Variants in SUGCT observed in about 807,000 individuals in gnomAD.
SUGCT encodes succinyl-CoA:glutarate-CoA transferase.
A neutral mutation model predicts 55.0 loss-of-function variants in SUGCT; 41 were observed. The observed-to-expected ratio is 0.74, with a 90% CI of 0.58 to 0.97. The LOEUF is 0.97. SUGCT is among the 50% of genes least tolerant of loss of function. The probability of loss-of-function intolerance (pLI) is 0.00; values close to 1 mark genes in which losing one functional copy is unlikely to be tolerated. For synonymous variants in SUGCT, 187 were observed against 200.4 expected (o/e 0.93, Z 0.56); for missense variants, 568 against 547.8 (o/e 1.04, Z -0.37).
chr7:40,137,762 C>CTCATTGTGGTTTTTAATTTGTATTT (rs1787773195), intron 1 of SUGCT, among the ~76,000 whole-genome samples: 1 of 152,088 alleles, frequency 6.6e-6, no homozygotes, highest in African/African-American at 2.4e-5. Flanking sequence ...TTCACTGCAA[C>CTCATTGTGGTTTTTAATTTGTATTT]CTCTGCCTCT....
chr7:40,570,832 G>C (rs1394663708), intron 12 of SUGCT, among the ~76,000 whole-genome samples: 1 of 145,524 alleles, frequency 6.9e-6, no homozygotes, highest in East Asian at 2.0e-4. Flanking sequence ...ACTCCCCTCT[G>C]GGCAAAAGCT....
chr7:40,453,231 A>G (rs1433367231), intron 10 of SUGCT, among the ~76,000 whole-genome samples: 2 of 152,178 alleles, frequency 1.3e-5, no homozygotes, highest in African/African-American at 2.4e-5. Context: ...GAGAAAGAAG[A>G]ACTTTCTTCA....
chr7:40,339,687 C>T (rs113275358), intron 9 of SUGCT, among the ~76,000 whole-genome samples: 571 of 152,306 alleles, frequency 3.7e-3, no homozygotes, highest in African/African-American at 0.013. Flanking sequence ...TGACCCCTTG[C>T]GCTTCCTGGG....
chr7:41,016,857 T>C, the SUGCT span, among the ~76,000 whole-genome samples: 1 of 152,186 alleles, frequency 6.6e-6, no homozygotes, highest in African/African-American at 2.4e-5. Context: ...CTACAGCTGT[T>C]CCTTAATTTT....
chr7:40,478,641 A>G (rs1032880464), intron 11 of SUGCT, among the ~76,000 whole-genome samples: 7 of 152,176 alleles, frequency 4.6e-5, no homozygotes, highest in African/African-American at 1.7e-4. Context: ...TAATATACAC[A>G]TTTTTCACTG....
At chr7:40,313,683 G>A (rs972476703) in intron 8 of SUGCT, among the ~76,000 whole-genome samples, 12 of 151,214 alleles carry the variant, frequency 7.9e-5, no homozygotes, top group African/African-American at 2.4e-4. Context: ...AGGCTGGAGC[G>A]CTGTGGCGTG....
intron 11 of SUGCT, among the ~76,000 whole-genome samples, chr7:40,461,336 C>T (rs902353560): frequency 8.5e-5 from 13 of 152,210 alleles, no homozygotes; most frequent in East Asian, 1.9e-4. Context: ...CATGATTAGA[C>T]GTAGCCTCCA....
intron 12 of SUGCT, among the ~76,000 whole-genome samples, chr7:40,655,255 A>G (rs1049100737): frequency 5.9e-5 from 9 of 152,046 alleles, no homozygotes; most frequent in East Asian, 1.9e-4. Context: ...AATTGTGCCA[A>G]TGTACTCTAG....
chr7:40,553,900 C>T (rs900346085), intron 12 of SUGCT, among the ~76,000 whole-genome samples: 1 of 152,190 alleles, frequency 6.6e-6, no homozygotes, highest in Non-Finnish European at 1.5e-5. Context: ...AGTGGGCTAA[C>T]CTGGCACCTA....
chr7:40,231,140 A>G (rs1361875999), intron 6 of SUGCT, among the ~76,000 whole-genome samples: 1 of 152,192 alleles, frequency 6.6e-6, no homozygotes, highest in East Asian at 1.9e-4. Context: ...TGAACCTCAG[A>G]AACTCAGTTG....
rs1168316176 is a variant in SUGCT, at chr7:40,245,423, A to ATTT, written c.576+7729_576+7731dup. ...AGTAGACATATATATATATATATAT[A>ATTT]TTTTTTTTTTTTTTTTTTTTTTTTT... On this transcript the variant is annotated intron_variant, in intron 7 of 13. Transcript: ENST00000335693. 4.2e-4 allele frequency among the ~76,000 whole-genome samples: 23 copies of ATTT among 54,572 alleles called. 2 individuals carry two copies. Among genetic ancestry groups the ATTT allele is most frequent in the African/African-American group, 1.5e-3 (17 of 11,260 alleles). 35.8% of individuals were successfully genotyped at this position (54,572 alleles called of 152,430 possible). A position where few individuals can be genotyped will look rare whatever the true frequency, so the allele number is the denominator to read the frequency against.
At position 40,158,606 on chromosome 7, in the gene SUGCT, C is replaced by T. The variant is rs144988667; in HGVS notation, c.101-22341C>T. 9.5e-3 allele frequency among the ~76,000 whole-genome samples: 1,440 copies of T among 152,156 alleles called. 68 individuals carry two copies. The East Asian group carries it at 0.14, about 15-fold the overall frequency. On this transcript the variant is annotated intron_variant, in intron 1 of 13. Coordinates refer to ENST00000335693, the MANE Select transcript of SUGCT (RefSeq NM_001193313.2). ...CTCTACTAAAAATACAAAAATTAGC[C>T]GGGCGTGGTGGCATGTGCCTGTAGG...
At chr7:40,151,447 A>G (rs1788567760) in intron 1 of SUGCT, among the ~76,000 whole-genome samples, 1 of 152,160 alleles carries the variant, frequency 6.6e-6, no homozygotes, top group Non-Finnish European at 1.5e-5. Context: ...TTGTATTCAC[A>G]GTGACTGTGA....
the SUGCT span, among the ~76,000 whole-genome samples, chr7:41,019,403 AT>A: frequency 6.6e-6 from 1 of 152,130 alleles, no homozygotes; most frequent in Non-Finnish European, 1.5e-5. Context: ...ATCCTTGTGG[AT>A]TGATTTATAA....
chr7:40,853,428 A>G (rs994407882), intron 13 of SUGCT, among the ~76,000 whole-genome samples: 14 of 152,002 alleles, frequency 9.2e-5, no homozygotes, highest in Admixed American at 7.2e-4. Context: ...GCAGTGGCGC[A>G]ATCTTGGCTC....
At chr7:40,978,235 C>T in the SUGCT span, among the ~76,000 whole-genome samples, 3 of 152,142 alleles carry the variant, frequency 2.0e-5, no homozygotes, top group Admixed American at 1.3e-4. Flanking sequence ...TGGAGAATGG[C>T]AACACCTCTG....
chr7:40,195,093 G>A (rs1281746272), intron 6 of SUGCT, 33 bp downstream of exon 6: 3 of 1,558,168 alleles, frequency 1.9e-6, no homozygotes, highest in Non-Finnish European at 2.6e-6. Context: ...TCAGTTAAAA[G>A]GTTTTCCAGT....
At chr7:40,270,120 A>T (rs1025321273) in intron 7 of SUGCT, among the ~76,000 whole-genome samples, 2 of 146,114 alleles carry the variant, frequency 1.4e-5, no homozygotes, top group Non-Finnish European at 3.0e-5. Flanking sequence ...TGGGTGATGG[A>T]GCAAGACCCT....
intron 9 of SUGCT, among the ~76,000 whole-genome samples, chr7:40,443,957 C>G (rs997683001): frequency 6.6e-6 from 1 of 152,158 alleles, no homozygotes; most frequent in Non-Finnish European, 1.5e-5. Context: ...CCAGTTTTCC[C>G]AGCACCATTT....
Sources: gnomAD v4.1 joint callset for allele counts (sites outside exome capture counted in the v4.1 genomes callset) on GRCh38, gnomAD v4.1.1 for gene constraint, MANE v1.5 for transcripts, NCBI Gene and HGNC (gene_info 2026-07-23, HGNC 2026-07-21) for gene names.